ACAD10: variants seen among roughly 807,000 people sequenced by gnomAD.
ACAD10 encodes the protein acyl-CoA dehydrogenase family member 10, also known as ACAD-10.
A neutral mutation model predicts 116.8 loss-of-function variants in ACAD10; 112 were observed. That is an observed-to-expected ratio of 0.96 (90% CI 0.82 to 1.12). The LOEUF (loss-of-function observed/expected upper bound fraction) is 1.12. Among genes scored for constraint, ACAD10 ranks in the 50% most tolerant of loss-of-function variants. The pLI, the probability that ACAD10 is intolerant of heterozygous loss-of-function variation, is 0.00. For missense variants in ACAD10, 1,259 were observed against 1,350.2 expected, an observed-to-expected ratio of 0.93 and a Z score of 1.06; for synonymous variants, 486 against 510.6, an observed-to-expected ratio of 0.95 and a Z score of 0.65.
chr12:111,743,365 TTC>T (rs1390262334), intron 12 of ACAD10, among the ~76,000 whole-genome samples: 1 of 151,474 alleles, frequency 6.6e-6, no homozygotes, highest in Non-Finnish European at 1.5e-5. Flanking sequence ...GATGGAAATA[TTC>T]TGTTTTTTTT....
At chr12:111,703,079 GTC>G (rs1888395738) in intron 3 of ACAD10, among the ~76,000 whole-genome samples, 1 of 135,466 alleles carries the variant, frequency 7.4e-6, no homozygotes, top group African/African-American at 2.9e-5. Context: ...ACAAGACTCT[GTC>G]TCAAAAAAAA....
chr12:111,693,262 G>T, intron 2 of ACAD10: 1 of 198,282 alleles, frequency 5.0e-6, no homozygotes, highest in Non-Finnish European at 1.0e-5. Context: ...ACCAAGGCAG[G>T]GCACAGTGGC....
Position 111,756,402 on chromosome 12 carries a change from C to T in ACAD10, c.3109C>T (p.Arg1037Cys), listed in dbSNP as rs775196004. The T allele has an allele frequency of 1.1e-5, 18 of 1,612,218 alleles. No individual in the cohort carries two copies. In the Middle Eastern group the frequency reaches 4.9e-4, roughly 44 times the overall value. Reference protein sequence around the residue: ...AQFFTWARALRFADGPDEVHR... With the variant: ...AQFFTWARALCFADGPDEVHR... ...GTTCTTCACCTGGGCCCGAGCCCTG[C>T]GCTTTGCCGACGGCCCTGACGAGGT... The change falls in exon 21 of 21, where the codon CGC becomes TGC. Residue 1037 changes from arginine (R) to cysteine (C), a missense_variant. Coordinates refer to ENST00000313698, the MANE Select transcript of ACAD10 (RefSeq NM_025247.6).
chr12:111,726,224 A>G (rs1466552524), intron 8 of ACAD10, among the ~76,000 whole-genome samples: 1 of 152,148 alleles, frequency 6.6e-6, no homozygotes, highest in Non-Finnish European at 1.5e-5. Context: ...ACTGCACTCC[A>G]GCCTAGGTGA....
intron 1 of ACAD10, among the ~76,000 whole-genome samples, chr12:111,690,175 A>C (rs1427100976): frequency 6.6e-6 from 1 of 152,166 alleles, no homozygotes; most frequent in African/African-American, 2.4e-5. Flanking sequence ...CTTGTCCCAA[A>C]TGTTTGGAAC....
chr12:111,755,437 T>C (rs1741787582), intron 19 of ACAD10, among the ~76,000 whole-genome samples: 1 of 152,014 alleles, frequency 6.6e-6, no homozygotes, highest in South Asian at 2.1e-4. Context: ...GGTCTCACTC[T>C]GTTGTCCAGG....
intron 16 of ACAD10, 75 bp from the exon 17 acceptor site, chr12:111,748,242 G>A (rs887814957): frequency 5.1e-6 from 8 of 1,577,358 alleles, no homozygotes; most frequent in Non-Finnish European, 6.9e-6. Flanking sequence ...CCTTTCTTGG[G>A]CCAGGACCAC....
At chr12:111,733,401 C>G (rs779673460) in intron 10 of ACAD10, among the ~76,000 whole-genome samples, 20 of 152,052 alleles carry the variant, frequency 1.3e-4, no homozygotes, top group Admixed American at 3.3e-4. Context: ...GACTTCTTAC[C>G]TGGGGGCTCA....
intron 12 of ACAD10, among the ~76,000 whole-genome samples, chr12:111,738,660 G>A (rs887388440): frequency 2.0e-5 from 3 of 151,452 alleles, no homozygotes; most frequent in Non-Finnish European, 4.4e-5. Context: ...TGAGGTTAGG[G>A]ATTCAAGACC....
intron 1 of ACAD10, among the ~76,000 whole-genome samples, chr12:111,687,045 A>G (rs986977870): frequency 6.6e-6 from 1 of 152,204 alleles, no homozygotes; most frequent in Admixed American, 6.5e-5. Flanking sequence ...CATTCTTTCC[A>G]GTATGTCAGA....
rs993301322 is a variant in ACAD10 at position 111,692,969 on chromosome 12, A to G, written c.187+73A>G. The G allele has an allele frequency of 6.5e-6, 10 of 1,530,002 alleles. No individual in the cohort carries two copies. In the Admixed American group the frequency reaches 1.6e-4, roughly 25 times the overall value. 94.8% of individuals were successfully genotyped at this position (1,530,002 alleles called of 1,614,324 possible). The stretch of plus-strand genomic sequence containing the variant: ...GAGAATGGAGGGTGATCGGGAAGGC[A>G]GAGGGGAACACTTGGGCAGCAGTGT... On this transcript the variant is annotated intron_variant, in intron 2 of 20. Coordinates refer to ENST00000313698, the MANE Select transcript of ACAD10 (RefSeq NM_025247.6).
chr12:111,745,218 T>C, intron 13 of ACAD10, 175 bp downstream of exon 13: 1 of 722,130 alleles, frequency 1.4e-6, no homozygotes, highest in South Asian at 2.0e-5. Context: ...TTTCCATCTC[T>C]TGCTCTTGCT....
At chr12:111,723,670 GGGGC>G (rs1889116406) in intron 8 of ACAD10, among the ~76,000 whole-genome samples, 4 of 133,708 alleles carry the variant, frequency 3.0e-5, no homozygotes, top group East Asian at 4.2e-4. Context: ...CCTCCCGGAC[GGGGC>G]GGGGGGCTGA....
chr12:111,714,550 A>T (rs1029259646), intron 6 of ACAD10, among the ~76,000 whole-genome samples: 1 of 151,414 alleles, frequency 6.6e-6, no homozygotes, highest in East Asian at 2.0e-4. Context: ...CTGTAGTCCC[A>T]GCTACTGGGG....
intron 2 of ACAD10, among the ~76,000 whole-genome samples, chr12:111,699,146 A>C (rs1362507600): frequency 6.6e-6 from 1 of 152,144 alleles, no homozygotes; most frequent in Non-Finnish European, 1.5e-5. Context: ...CTGCCTCCCA[A>C]AGTGCTGGGA....
In ACAD10 at chr12:111,712,551, A is replaced by G. The variant is rs746017222; in HGVS notation, c.744A>G (p.Thr248=). 2 of 1,614,048 alleles carry G rather than the reference A, an allele frequency of 1.2e-6. No homozygotes were observed. Among genetic ancestry groups the G allele is most frequent in the African/African-American group, 1.3e-5 (1 of 74,942 alleles). Reference sequence around the variant, plus strand: ...AATTAGAAGCTCTCTTGGGTTTTACATTGAGAGTAGGTGTTCCAAACACTC... The same window carrying G: ...AATTAGAAGCTCTCTTGGGTTTTACGTTGAGAGTAGGTGTTCCAAACACTC... The part of the protein sequence containing the change: ...VKELEALLGF[T]LRVGVPNTRP... Residue 248 remains threonine (T), a synonymous_variant, in exon 6 of 21, where the codon ACA becomes ACG. Transcript: ENST00000313698.
At chr12:111,723,245 C>G (rs1889084901) in intron 8 of ACAD10, among the ~76,000 whole-genome samples, 1 of 130,890 alleles carries the variant, frequency 7.6e-6, no homozygotes, top group South Asian at 2.5e-4. Context: ...CAGAGGGGCT[C>G]CTCACTTCCC....
chr12:111,740,631 G>A (rs1485421036), intron 12 of ACAD10, among the ~76,000 whole-genome samples: 1 of 150,976 alleles, frequency 6.6e-6, no homozygotes, highest in East Asian at 1.9e-4. Context: ...GGTGGTGTGT[G>A]CCTGTAATCC....
At chr12:111,734,641 A>T in intron 11 of ACAD10, among the ~76,000 whole-genome samples, 1 of 151,976 alleles carries the variant, frequency 6.6e-6, no homozygotes, top group East Asian at 1.9e-4. Context: ...ACAAAAACAA[A>T]CCACATTTAT....
Sources: gnomAD v4.1 joint callset for allele counts (sites outside exome capture counted in the v4.1 genomes callset) on GRCh38, gnomAD v4.1.1 for gene constraint, MANE v1.5 for transcripts, NCBI Gene and HGNC (gene_info 2026-07-23, HGNC 2026-07-21) for gene names.